The following CSMD3 variants were observed in gnomAD, a reference collection of about 807,000 sequenced individuals.
CSMD3 encodes CUB and Sushi multiple domains 3.
In CSMD3, 177 loss-of-function variants were observed where a neutral mutation model predicts 435.2. That is an observed-to-expected ratio of 0.41 (90% CI 0.36 to 0.46). The LOEUF (loss-of-function observed/expected upper bound fraction) is 0.46. Ranked by LOEUF, CSMD3 falls within the 20% of genes least tolerant of loss-of-function variation. CSMD3 has a pLI of 0.34. For synonymous variants in CSMD3, 1,656 were observed against 1,520.5 expected (o/e 1.09, Z -2.07); for missense variants, 4,265 against 4,504.6 (o/e 0.95, Z 1.52).
At chr8:112,575,680 C>T (rs139138609) in intron 23 of CSMD3, among the ~76,000 whole-genome samples, 15 of 152,186 alleles carry the variant, frequency 9.9e-5, no homozygotes, top group Non-Finnish European at 1.3e-4. Context: ...GTTGGTAGCT[C>T]AGGCATGCAT....
chr8:112,635,927 T>C (rs1262401990), intron 22 of CSMD3, among the ~76,000 whole-genome samples: 1 of 152,150 alleles, frequency 6.6e-6, no homozygotes, highest in African/African-American at 2.4e-5. Context: ...ATAAGTTACA[T>C]AGATTTGTGA....
At chr8:112,950,551 A>G (rs1370423030) in intron 8 of CSMD3, among the ~76,000 whole-genome samples, 8 of 152,040 alleles carry the variant, frequency 5.3e-5, no homozygotes, top group Admixed American at 6.6e-5. Flanking sequence ...AATTTAAATG[A>G]TAGTTAACAC....
intron 22 of CSMD3, among the ~76,000 whole-genome samples, chr8:112,616,583 T>A (rs1053341484): frequency 6.6e-6 from 1 of 152,214 alleles, no homozygotes; most frequent in African/African-American, 2.4e-5. Flanking sequence ...GCAAATGGAA[T>A]GACTCACCAC....
intron 3 of CSMD3, among the ~76,000 whole-genome samples, chr8:113,191,987 T>TTC (rs1222944584): frequency 6.6e-6 from 1 of 151,958 alleles, no homozygotes; most frequent in Non-Finnish European, 1.5e-5. Context: ...TGATTTGCAT[T>TTC]TCTTTGATGA....
intron 61 of CSMD3, chr8:112,255,808 A>C: frequency 4.0e-6 from 1 of 251,770 alleles, no homozygotes; most frequent in Non-Finnish European, 7.7e-6. Context: ...AAAAGAAGCA[A>C]CCCATAATGT....
chr8:112,818,139 A>G (rs1020603364), intron 12 of CSMD3, among the ~76,000 whole-genome samples: 1 of 151,996 alleles, frequency 6.6e-6, no homozygotes, highest in African/African-American at 2.4e-5. Context: ...ACCTTTTAGA[A>G]CCTAAATACT....
At chr8:112,845,310 T>A (rs1025651051) in intron 11 of CSMD3, among the ~76,000 whole-genome samples, 1 of 152,004 alleles carries the variant, frequency 6.6e-6, no homozygotes, top group East Asian at 1.9e-4. Context: ...GTAAGTACAA[T>A]GTAATGTGAC....
chr8:112,354,583 T>C (rs1356309426), intron 38 of CSMD3, among the ~76,000 whole-genome samples: 1 of 152,118 alleles, frequency 6.6e-6, no homozygotes, highest in Non-Finnish European at 1.5e-5. Context: ...AAATTAAGAA[T>C]GCAACCCCAT....
chr8:112,833,690 ATGTGTG>A (rs34246089), intron 11 of CSMD3, among the ~76,000 whole-genome samples: 7 of 149,050 alleles, frequency 4.7e-5, no homozygotes, highest in Non-Finnish European at 6.0e-5. Flanking sequence ...ATATGTGTGT[ATGTGTG>A]TGTGTGTGTG....
rs2082742582 is a variant in CSMD3 at position 112,921,507 on chromosome 8, G to A, written c.1633+120C>T. 1.0e-5 allele frequency: 9 copies of A among 882,528 alleles called. No individual in the cohort carries two copies. The South Asian group carries it at 1.1e-4, about 11-fold the overall frequency. 54.7% of individuals were successfully genotyped at this position (882,528 alleles called of 1,614,324 possible). On this transcript the variant is annotated intron_variant, in intron 10 of 70. Coordinates refer to ENST00000297405, the MANE Select transcript of CSMD3 (RefSeq NM_198123.2). The stretch of plus-strand genomic sequence containing the variant: ...TTTCTATAAATATCAATAAATATAT[G>A]AGCACAATCTTTCCTTAAAGATTAT...
At chr8:112,519,178 T>C (rs1189246649) in intron 27 of CSMD3, among the ~76,000 whole-genome samples, 10 of 152,260 alleles carry the variant, frequency 6.6e-5, no homozygotes, top group South Asian at 2.1e-4. Flanking sequence ...TGGAGAGTGA[T>C]GTTCGACTAA....
chr8:112,939,176 C>T (rs2130755427), intron 9 of CSMD3, among the ~76,000 whole-genome samples: 1 of 152,058 alleles, frequency 6.6e-6, no homozygotes. Flanking sequence ...AAGATAATTG[C>T]TTTTGTGCAG....
At chr8:113,036,083 C>T (rs1379984150) in intron 5 of CSMD3, among the ~76,000 whole-genome samples, 1 of 151,850 alleles carries the variant, frequency 6.6e-6, no homozygotes, top group Non-Finnish European at 1.5e-5. Context: ...AATGAGCTAG[C>T]TACTTACTTT....
At chr8:113,284,254 G>A (rs2093630983) in intron 2 of CSMD3, among the ~76,000 whole-genome samples, 1 of 152,080 alleles carries the variant, frequency 6.6e-6, no homozygotes, top group Non-Finnish European at 1.5e-5. Flanking sequence ...CAGTGTTTGG[G>A]ACTCAGAGTC....
intron 32 of CSMD3, among the ~76,000 whole-genome samples, chr8:112,454,029 G>A (rs971627478): frequency 2.6e-5 from 4 of 152,162 alleles, no homozygotes; most frequent in African/African-American, 9.7e-5. Flanking sequence ...TTGGTGCTGG[G>A]ATAAGTGGCT....
At chr8:113,086,760 T>C (rs1424668060) in intron 5 of CSMD3, among the ~76,000 whole-genome samples, 2 of 152,202 alleles carry the variant, frequency 1.3e-5, no homozygotes, top group Non-Finnish European at 2.9e-5. Context: ...TTTCTTGAGT[T>C]ATATTCTAAT....
In CSMD3 at chr8:113,430,370, A is replaced by ATT. The variant is rs5894149; in HGVS notation, c.178+6305_178+6306dup. Among the ~76,000 whole-genome samples the ATT allele has an allele frequency of 1.1e-3, 166 of 149,158 alleles. 1 individual carries two copies. Among genetic ancestry groups the ATT allele is most frequent in the African/African-American group, 2.0e-3 (82 of 40,690 alleles). On this transcript the variant is annotated intron_variant, in intron 1 of 70. Transcript: ENST00000297405. ...CTATAAACCCCCGATATTGTCATGTATTTTTTTTTTTACAGATAATAAAAC... is the reference window on the plus strand; with the variant it reads ...CTATAAACCCCCGATATTGTCATGTATTTTTTTTTTTTTACAGATAATAAAAC...
intron 2 of CSMD3, among the ~76,000 whole-genome samples, chr8:113,293,684 C>T (rs529953997): frequency 1.3e-5 from 2 of 152,182 alleles, no homozygotes; most frequent in East Asian, 1.9e-4. Flanking sequence ...TTCCTTTACC[C>T]GCTTTCATCT....
At chr8:113,316,750 A>G (rs2093913508) in intron 1 of CSMD3, among the ~76,000 whole-genome samples, 1 of 151,976 alleles carries the variant, frequency 6.6e-6, no homozygotes, top group South Asian at 2.1e-4. Context: ...GGGTTTCACC[A>G]TGTTGGCAAG....
Sources: allele counts gnomAD v4.1 joint callset (sites outside exome capture counted in the v4.1 genomes callset), GRCh38; gene constraint gnomAD v4.1.1; transcripts MANE v1.5; gene names NCBI Gene and HGNC (gene_info 2026-07-23, HGNC 2026-07-21).